The following GLIPR1L2 variants were observed in gnomAD, a reference collection of about 807,000 sequenced individuals.
The protein encoded by GLIPR1L2 is GLIPR1 like 2.
GLIPR1L2 carries 21 observed loss-of-function variants against 28.4 expected under a neutral mutation model. The ratio of observed to expected loss-of-function variants is 0.74; its 90% CI spans 0.52 to 1.06. The LOEUF (loss-of-function observed/expected upper bound fraction) is 1.06, where lower values mean the gene tolerates loss of function less well. Among genes scored for constraint, GLIPR1L2 ranks in the 50% least tolerant of loss-of-function variants. The probability of loss-of-function intolerance (pLI) is 0.00; values close to 1 mark genes in which losing one functional copy is unlikely to be tolerated. For missense variants in GLIPR1L2, 476 were observed against 416.9 expected, an observed-to-expected ratio of 1.14 and a Z score of -1.23; for synonymous variants, 145 against 139.3, an observed-to-expected ratio of 1.04 and a Z score of -0.29.
chr12:75,411,686 C>CTT (rs1443540682), intron 2 of GLIPR1L2, among the ~76,000 whole-genome samples: 2 of 151,856 alleles, frequency 1.3e-5, no homozygotes, highest in Non-Finnish European at 2.9e-5. Flanking sequence ...ATTTGACATG[C>CTT]TTAACTTCAC....
At chr12:75,415,856 C>A (rs1016426129) in intron 3 of GLIPR1L2, among the ~76,000 whole-genome samples, 1 of 152,038 alleles carries the variant, frequency 6.6e-6, no homozygotes, top group African/African-American at 2.4e-5. Flanking sequence ...AAAGAAAACT[C>A]TCTGCTTTTA....
chr12:75,418,548 T>C (rs1452381075), intron 3 of GLIPR1L2, among the ~76,000 whole-genome samples: 1 of 152,200 alleles, frequency 6.6e-6, no homozygotes, highest in African/African-American at 2.4e-5. Context: ...GTTGTAGATA[T>C]GTGGCGTTAT....
At chr12:75,408,487 A>G (rs1241982763) in intron 1 of GLIPR1L2, among the ~76,000 whole-genome samples, 1 of 152,054 alleles carries the variant, frequency 6.6e-6, no homozygotes, top group Non-Finnish European at 1.5e-5. Context: ...ATTCAGTGAG[A>G]TAATACATAA....
chr12:75,421,220 T>A (rs1481899651), intron 3 of GLIPR1L2, among the ~76,000 whole-genome samples: 1 of 152,192 alleles, frequency 6.6e-6, no homozygotes, highest in East Asian at 1.9e-4. Context: ...GAGTTTCTGC[T>A]CTGGCTGGGT....
chr12:75,409,578 TACACACACAC>T (rs1402837022), intron 1 of GLIPR1L2, among the ~76,000 whole-genome samples: 1 of 147,036 alleles, frequency 6.8e-6, no homozygotes, highest in African/African-American at 2.5e-5. Context: ...TATATATATA[TACACACACAC>T]ATATATATAT....
At chr12:75,420,183 A>G (rs906704627) in intron 3 of GLIPR1L2, among the ~76,000 whole-genome samples, 2 of 152,200 alleles carry the variant, frequency 1.3e-5, no homozygotes, top group Non-Finnish European at 2.9e-5. Context: ...TGAATAATGT[A>G]CAGACTATGT....
intron 1 of GLIPR1L2, among the ~76,000 whole-genome samples, chr12:75,393,954 A>C (rs1032093822): frequency 6.6e-6 from 1 of 151,854 alleles, no homozygotes; most frequent in African/African-American, 2.4e-5. Flanking sequence ...AATGATAACC[A>C]TCTAGCAGTT....
Position 75,422,980 on chromosome 12 carries a change from T to G in GLIPR1L2, c.661T>G (p.Phe221Val), listed in dbSNP as rs1469052246. 1 of 1,611,458 alleles carries G rather than the reference T, an allele frequency of 6.2e-7. No homozygotes were observed. The highest frequency in any genetic ancestry group is 1.3e-5 in the African/African-American group (1 of 74,850). Residue 221 changes from phenylalanine (F) to valine (V), a missense_variant, in exon 4 of 6, where the codon TTT becomes GTT. Transcript: ENST00000550916. ...TGGCAGACGTGACAAATGCACAGAT[T>G]TTCTATGCAGTAAGATAAAGAAAAT... is the stretch of plus-strand genomic sequence containing the variant. ...RCGRRDKCTD[F>V]LCSNADRDQA...
At chr12:75,399,806 T>C (rs2045719991) in intron 1 of GLIPR1L2, among the ~76,000 whole-genome samples, 1 of 152,246 alleles carries the variant, frequency 6.6e-6, no homozygotes, top group Non-Finnish European at 1.5e-5. Flanking sequence ...GCCTACTCCA[T>C]GTACTACTGG....
Position 75,391,152 on chromosome 12 carries a change from G to C in GLIPR1L2, c.36G>C (p.Arg12Ser), listed in dbSNP as rs752439276. Reference sequence around the variant, plus strand: ...CAAGGCCCTTCGCCCGGGAGTGGAGGGCCCAGTCCCTACCCCTGGCAGTAG... The same window carrying C: ...CAAGGCCCTTCGCCCGGGAGTGGAGCGCCCAGTCCCTACCCCTGGCAGTAG... ...EAARPFAREW[R>S]AQSLPLAVGG... is the part of the protein sequence containing the mutation. The change falls in exon 1 of 6, where the codon AGG becomes AGC. Residue 12 changes from arginine to serine, a missense_variant. By Grantham distance (110) the Arg-to-Ser change is moderately radical. Coordinates refer to ENST00000550916, the MANE Select transcript of GLIPR1L2 (RefSeq NM_001270396.2). 1 of 1,614,068 alleles carries C rather than the reference G, an allele frequency of 6.2e-7. No homozygotes were observed. Among genetic ancestry groups the C allele is most frequent in the Admixed American group, 1.7e-5 (1 of 60,022 alleles).
intron 1 of GLIPR1L2, among the ~76,000 whole-genome samples, chr12:75,395,004 G>A (rs1441627265): frequency 6.6e-6 from 1 of 151,660 alleles, no homozygotes; most frequent in Non-Finnish European, 1.5e-5. Context: ...TGATGCTATT[G>A]TGGTGGAATG....
chr12:75,394,772 A>AAAAAAAC (rs2045665523), intron 1 of GLIPR1L2, among the ~76,000 whole-genome samples: 1 of 150,004 alleles, frequency 6.7e-6, no homozygotes, highest in Admixed American at 6.6e-5. Context: ...GCAAAAAAAA[A>AAAAAAAC]AAAAAAAAAA....
chr12:75,421,393 A>G (rs1009812630), intron 3 of GLIPR1L2, among the ~76,000 whole-genome samples: 1 of 152,216 alleles, frequency 6.6e-6, no homozygotes, highest in African/African-American at 2.4e-5. Flanking sequence ...GTATCACCCA[A>G]ACTCTCTGAT....
Position 75,422,597 on chromosome 12 carries a change from C to T in GLIPR1L2, c.585-307C>T, listed in dbSNP as rs569737800. Among the ~76,000 whole-genome samples, 110 of 152,210 alleles carry T rather than the reference C, an allele frequency of 7.2e-4. 1 individual carries two copies. Among genetic ancestry groups the T allele is most frequent in the African/African-American group, 2.5e-3 (105 of 41,528 alleles). On this transcript the variant is annotated intron_variant, in intron 3 of 5. Transcript: ENST00000550916. ...GATTACGGGCATGAGCCACCGCGCC[C>T]GGTCTACATCATTCATTTTTAAAGG... is the stretch of plus-strand genomic sequence containing the variant.
intron 1 of GLIPR1L2, 47 bp from the exon 2 acceptor site, chr12:75,410,387 C>CAA: frequency 2.1e-6 from 3 of 1,406,068 alleles, no homozygotes; most frequent in Non-Finnish European, 2.8e-6. Flanking sequence ...TTTTAGACTA[C>CAA]AAAAAAAAAC....
At position 75,423,665 on chromosome 12, in the gene GLIPR1L2, A is replaced by G. The variant is rs558546324; in HGVS notation, c.670+676A>G. The G allele has an allele frequency of 6.4e-4, 109 of 170,828 alleles. 1 individual carries two copies. Among genetic ancestry groups the G allele is most frequent in the African/African-American group, 2.3e-3 (97 of 41,856 alleles). The allele number at this position is 170,828 out of a possible 1,614,324, so 10.6% of individuals were successfully genotyped here. On this transcript the variant is annotated intron_variant, in intron 4 of 5. Transcript: ENST00000550916. ...TATACATGCCATGGTGGTTTGCTGCACCCATGAACCCATCATCTACATTAG... is the reference window on the plus strand; with the variant it reads ...TATACATGCCATGGTGGTTTGCTGCGCCCATGAACCCATCATCTACATTAG...
chr12:75,421,505 G>A (rs1307628038), intron 3 of GLIPR1L2, among the ~76,000 whole-genome samples: 1 of 152,132 alleles, frequency 6.6e-6, no homozygotes, highest in Middle Eastern at 3.2e-3. Flanking sequence ...CTTAAATAAT[G>A]AATGTTTGTT....
intron 1 of GLIPR1L2, among the ~76,000 whole-genome samples, chr12:75,394,116 A>AT (rs1418839917): frequency 1.3e-5 from 2 of 151,938 alleles, no homozygotes; most frequent in East Asian, 1.9e-4. Flanking sequence ...AACTTGTTAG[A>AT]TTTTTTGTTG....
intron 3 of GLIPR1L2, 115 bp from the exon 4 acceptor site, chr12:75,422,789 C>T: frequency 2.6e-6 from 2 of 764,282 alleles, no homozygotes; most frequent in Non-Finnish European, 4.2e-6. Flanking sequence ...TCCTTAAGTC[C>T]AGTTTCTTAA....
Sources: gnomAD v4.1 joint callset for allele counts (sites outside exome capture counted in the v4.1 genomes callset) on GRCh38, gnomAD v4.1.1 for gene constraint, MANE v1.5 for transcripts, NCBI Gene and HGNC (gene_info 2026-07-23, HGNC 2026-07-21) for gene names.